TUSC3: variants seen among roughly 807,000 people sequenced by gnomAD.
TUSC3 encodes dolichyl-diphosphooligosaccharide--protein glycosyltransferase subunit TUSC3.
A neutral mutation model predicts 44.8 loss-of-function variants in TUSC3; 45 were observed. That is an observed-to-expected ratio of 1.00 (90% confidence interval 0.79 to 1.29). TUSC3 has a LOEUF of 1.29. TUSC3 is among the 50% of genes most tolerant of loss of function. The pLI is 0.00. For missense variants in TUSC3, 519 were observed against 437.9 expected (o/e 1.19, Z -1.65); for synonymous variants, 212 against 152.9 (o/e 1.39, Z -2.85).
chr8:15,748,849 T>G (rs1811538914), intron 9 of TUSC3: 1 of 413,380 alleles, frequency 2.4e-6, no homozygotes, highest in Non-Finnish European at 4.7e-6. Flanking sequence ...ATCTTTTGAA[T>G]TCTACAAAAT....
chr8:15,566,397 C>T (rs1802672691), intron 1 of TUSC3, among the ~76,000 whole-genome samples: 1 of 152,050 alleles, frequency 6.6e-6, no homozygotes, highest in African/African-American at 2.4e-5. Context: ...TATTATTCCT[C>T]ATAGGATTAT....
At chr8:15,541,176 A>C (rs1176490237) in intron 1 of TUSC3, among the ~76,000 whole-genome samples, 2 of 152,226 alleles carry the variant, frequency 1.3e-5, no homozygotes, top group Non-Finnish European at 2.9e-5. Context: ...TTGTGAAAAT[A>C]ACCTGCCATT....
At chr8:15,569,525 G>A (rs1030762642) in intron 1 of TUSC3, among the ~76,000 whole-genome samples, 5 of 152,052 alleles carry the variant, frequency 3.3e-5, no homozygotes, top group Non-Finnish European at 7.4e-5. Context: ...AATAGCTTAT[G>A]GCCAGAAGGA....
At chr8:15,570,966 T>TTTTTTTTTTTTTTTTTTTTG (rs1211899522) in intron 1 of TUSC3, among the ~76,000 whole-genome samples, 1 of 122,806 alleles carries the variant, frequency 8.1e-6, no homozygotes, top group Non-Finnish European at 1.8e-5. Flanking sequence ...TTTTTTTTTT[T>TTTTTTTTTTTTTTTTTTTTG]TTTTTTTTGA....
chr8:15,477,075 G>T (rs550072566), intron 1 of TUSC3, among the ~76,000 whole-genome samples: 1 of 152,246 alleles, frequency 6.6e-6, no homozygotes, highest in African/African-American at 2.4e-5. Flanking sequence ...CAAAAGAAAG[G>T]GTGGGTTGCA....
At chr8:15,598,505 C>T (rs773572799) in intron 1 of TUSC3, among the ~76,000 whole-genome samples, 17 of 151,800 alleles carry the variant, frequency 1.1e-4, no homozygotes, top group Non-Finnish European at 2.2e-4. Flanking sequence ...AGGGTTCATT[C>T]TTGGTGTTGT....
chr8:15,743,576 G>A lies in TUSC3; in HGVS notation c.901G>A (p.Ala301Thr). The change falls in exon 8 of 11, where the codon GCA becomes ACA. Residue 301 changes from alanine to threonine, a missense_variant. By Grantham distance (58) the Ala-to-Thr change is moderately conservative (BLOSUM62 0). Coordinates refer to ENST00000503731, the MANE Select transcript of TUSC3 (RefSeq NM_006765.4). The part of the protein sequence containing the change: ...ITMGMVLLNE[A>T]ATSKGDVGKR... ...CATGGGGATGGTTCTTCTAAATGAAGCAGCAACTTCGAAAGGCGATGTTGG... is the reference window on the plus strand; with the variant it reads ...CATGGGGATGGTTCTTCTAAATGAAACAGCAACTTCGAAAGGCGATGTTGG... 1 of 1,613,970 alleles carries A rather than the reference G, an allele frequency of 6.2e-7. No homozygotes were observed. The highest frequency in any genetic ancestry group is 1.3e-5 in the African/African-American group (1 of 75,034).
In TUSC3 at chr8:15,533,089, A is replaced by G. The variant is rs1270313451; in HGVS notation, n.189+49606A>G. Among the ~76,000 whole-genome samples the G allele has an allele frequency of 2.0e-5, 3 of 152,042 alleles. No individual in the cohort carries two copies. The East Asian group carries it at 5.8e-4, about 29-fold the overall frequency. On this transcript the variant is annotated intron_variant and non_coding_transcript_variant, in intron 2 of 5. Transcript: ENST00000503191. ...TACAGGTATGAGCCACCACGCCCAG[A>G]CCGATTTGATAGTTTTAAAAATGGG...
chr8:15,468,582 A>C (rs542565046), intron 1 of TUSC3, among the ~76,000 whole-genome samples: 2 of 152,274 alleles, frequency 1.3e-5, no homozygotes, highest in African/African-American at 4.8e-5. Flanking sequence ...CCTTAAATTT[A>C]GATCTGATGC....
rs1325554203 is a variant in TUSC3, at chr8:15,523,656, ATATATATATGTGTGTGTGTGTGTGTGTG to A, written n.189+40175_189+40202del. On this transcript the variant is annotated intron_variant and non_coding_transcript_variant, in intron 2 of 5. Transcript: ENST00000503191. ...TTTAAAAACATATATATATATATAT[ATATATATATGTGTGTGTGTGTGTGTGTG>A]TGTGTGTGTGTGTGTGTGTGTGTGT... Among the ~76,000 whole-genome samples, 545 of 93,434 alleles carry A rather than the reference ATATATATATGTGTGTGTGTGTGTGTGTG, an allele frequency of 5.8e-3. 20 individuals are homozygous for A. The highest frequency in any genetic ancestry group is 0.012 in the Middle Eastern group (2 of 168). The allele number at this position is 93,434 out of a possible 152,430, so 61.3% of individuals were successfully genotyped here.
At chr8:15,439,140 C>T (rs893581199) in intron 1 of TUSC3, among the ~76,000 whole-genome samples, 1 of 152,140 alleles carries the variant, frequency 6.6e-6, no homozygotes, top group African/African-American at 2.4e-5. Context: ...GAAGGGCTGA[C>T]CTTCACCCAT....
intron 1 of TUSC3, among the ~76,000 whole-genome samples, chr8:15,437,339 G>C (rs984777043): frequency 6.6e-6 from 1 of 152,080 alleles, no homozygotes; most frequent in African/African-American, 2.4e-5. Flanking sequence ...ACATATCTCT[G>C]TTTACTACAT....
At chr8:15,697,124 T>C (rs1809203654) in intron 6 of TUSC3, among the ~76,000 whole-genome samples, 1 of 152,222 alleles carries the variant, frequency 6.6e-6, no homozygotes, top group African/African-American at 2.4e-5. Flanking sequence ...TCAGCTGTAA[T>C]ATGTCCCTTT....
At chr8:15,433,067 G>A (rs1490494466) in intron 1 of TUSC3, among the ~76,000 whole-genome samples, 1 of 152,166 alleles carries the variant, frequency 6.6e-6, no homozygotes, top group Non-Finnish European at 1.5e-5. Flanking sequence ...CCAGTCTCAT[G>A]ACCCAATCTC....
intron 1 of TUSC3, among the ~76,000 whole-genome samples, chr8:15,617,138 A>ATTTTTTTTT (rs71211064): frequency 2.2e-5 from 2 of 88,912 alleles, no homozygotes. Flanking sequence ...GTGTGTATAT[A>ATTTTTTTTT]TTTTTTTTTT....
intron 1 of TUSC3, among the ~76,000 whole-genome samples, chr8:15,566,272 A>G (rs1563292904): frequency 6.6e-6 from 1 of 152,310 alleles, no homozygotes; most frequent in East Asian, 1.9e-4. Flanking sequence ...CTTATATAAG[A>G]TGCAGCAGTT....
At chr8:15,454,244 T>C (rs1021730137) in intron 1 of TUSC3, among the ~76,000 whole-genome samples, 4 of 152,138 alleles carry the variant, frequency 2.6e-5, no homozygotes, top group Non-Finnish European at 5.9e-5. Context: ...CTTGGCCCTC[T>C]TCCAAGTGTA....
intron 1 of TUSC3, among the ~76,000 whole-genome samples, chr8:15,476,169 A>T (rs1378076714): frequency 5.3e-5 from 8 of 152,210 alleles, no homozygotes; most frequent in Admixed American, 4.6e-4. Context: ...GCTGTTATGT[A>T]AGAGAAGAAT....
At position 15,552,832 on chromosome 8, in the gene TUSC3, G is replaced by T. The variant is rs1008231978; in HGVS notation, c.138+12264G>T. 5.3e-5 allele frequency among the ~76,000 whole-genome samples: 8 copies of T among 151,862 alleles called. 1 individual carries two copies. Among genetic ancestry groups the T allele is most frequent in the Admixed American group, 2.6e-4 (4 of 15,228 alleles). On this transcript the variant is annotated intron_variant, in intron 1 of 10. Coordinates refer to ENST00000503731, the MANE Select transcript of TUSC3 (RefSeq NM_006765.4). Reference sequence around the variant, plus strand: ...TTAGAAGGATTGCTATGGCTATGCTGTGGAGAATAGCTTAGGTGGGGATGC... The same window carrying T: ...TTAGAAGGATTGCTATGGCTATGCTTTGGAGAATAGCTTAGGTGGGGATGC...
Sources: gnomAD v4.1 joint callset for allele counts (sites outside exome capture counted in the v4.1 genomes callset) on GRCh38, gnomAD v4.1.1 for gene constraint, MANE v1.5 for transcripts, NCBI Gene and HGNC (gene_info 2026-07-23, HGNC 2026-07-21) for gene names.